The following DNAH6 variants were observed in gnomAD, a reference collection of about 807,000 sequenced individuals.
DNAH6 encodes the protein dynein axonemal heavy chain 6.
In DNAH6, 340 loss-of-function variants were observed where a neutral mutation model predicts 491.4. The observed-to-expected ratio is 0.69, with a 90% CI of 0.63 to 0.76. DNAH6 has a LOEUF of 0.76. Ranked by LOEUF, DNAH6 falls within the 30% of genes least tolerant of loss-of-function variation. DNAH6 has a pLI of 0.00. For synonymous variants in DNAH6, 1,603 were observed against 1,686.1 expected, an observed-to-expected ratio of 0.95 and a Z score of 1.21; for missense variants, 4,443 against 4,972.2, an observed-to-expected ratio of 0.89 and a Z score of 3.20.
At chr2:84,658,597 A>C (rs1691198885) in intron 36 of DNAH6, 123 bp downstream of exon 36, 1 of 653,364 alleles carries the variant, frequency 1.5e-6, no homozygotes, top group Non-Finnish European at 2.4e-6. Flanking sequence ...TTTTCAGGGG[A>C]CTAATAGCTA....
intron 14 of DNAH6, among the ~76,000 whole-genome samples, chr2:84,579,881 T>A (rs1682838658): frequency 6.6e-6 from 1 of 152,224 alleles, no homozygotes; most frequent in South Asian, 2.1e-4. Context: ...AGGCATCGTA[T>A]TACACTTTCT....
chr2:84,636,673 G>T (rs573957247), intron 30 of DNAH6, among the ~76,000 whole-genome samples: 1 of 152,252 alleles, frequency 6.6e-6, no homozygotes, highest in Middle Eastern at 3.4e-3. Context: ...GGAATTTCTT[G>T]GGGAATACCA....
At position 84,588,901 on chromosome 2, in the gene DNAH6, G is replaced by C. The variant is rs1206136987; in HGVS notation, c.2557G>C (p.Ala853Pro). The C allele has an allele frequency of 1.9e-6, 3 of 1,550,576 alleles. No individual in the cohort carries two copies. In the African/African-American group the frequency reaches 4.1e-5, roughly 21 times the overall value. ...ATTGAATAATCTGCAATCTGTTCTG[G>C]CTGATCTTCAGAAACGTGCATTTCA... ...LILNNLQSVL[A>P]DLQKRAFQYK... is the part of the protein sequence containing the mutation. Residue 853 changes from alanine to proline, a missense_variant, in exon 16 of 77, where the codon GCT (alanine) becomes CCT (proline). Coordinates refer to ENST00000389394, the MANE Select transcript of DNAH6 (RefSeq NM_001370.2).
In DNAH6 at chr2:84,703,521, C is replaced by T. The variant is rs1696130987; in HGVS notation, c.8188C>T (p.Leu2730=). ...LLAKSEDVEA[L]MEKLAVDQES... is the part of the protein sequence containing the mutation. The stretch of plus-strand genomic sequence containing the variant: ...AGCAAAATCAGAAGATGTTGAAGCC[C>T]TGATGGAAAAATTGGCAGTGGATCA... The change falls in exon 50 of 77, where the codon CTG becomes TTG. Residue 2730 remains leucine (L), a synonymous_variant. Transcript: ENST00000389394. The T allele has an allele frequency of 6.4e-7, 1 of 1,551,258 alleles. No individual in the cohort carries two copies. The highest frequency in any genetic ancestry group is 8.7e-7 in the Non-Finnish European group (1 of 1,146,756).
chr2:84,717,038 G>A (rs1206985276), intron 58 of DNAH6, among the ~76,000 whole-genome samples: 1 of 152,090 alleles, frequency 6.6e-6, no homozygotes, highest in South Asian at 2.1e-4. Context: ...CCTGCCTCCT[G>A]GAAAATGCCA....
chr2:84,703,063 G>T (rs1338554845), intron 49 of DNAH6, among the ~76,000 whole-genome samples: 1 of 152,164 alleles, frequency 6.6e-6, no homozygotes, highest in Non-Finnish European at 1.5e-5. Flanking sequence ...ATTCACATCT[G>T]GACCTGTTCC....
intron 64 of DNAH6, among the ~76,000 whole-genome samples, chr2:84,776,769 A>T (rs564344548): frequency 6.6e-6 from 1 of 152,264 alleles, no homozygotes; most frequent in South Asian, 2.1e-4. Flanking sequence ...ATTATAAATC[A>T]TGCTGCTATA....
the DNAH6 span, among the ~76,000 whole-genome samples, chr2:84,490,574 A>G: frequency 3.3e-5 from 5 of 152,034 alleles, no homozygotes; most frequent in African/African-American, 1.2e-4. Flanking sequence ...TATATTATTT[A>G]TTTTTAAGAT....
At chr2:84,508,210 G>A in the DNAH6 span, among the ~76,000 whole-genome samples, 1 of 152,112 alleles carries the variant, frequency 6.6e-6, no homozygotes, top group Non-Finnish European at 1.5e-5. Flanking sequence ...ACTTTTTTTG[G>A]TTGGTAAGCT....
chr2:84,528,751 T>C (rs1386664373), intron 3 of DNAH6, among the ~76,000 whole-genome samples, 153 bp from the exon 4 acceptor site: 6 of 152,100 alleles, frequency 3.9e-5, no homozygotes, highest in Non-Finnish European at 7.4e-5. Flanking sequence ...TGCCTAACAA[T>C]AGTTTGAAAA....
intron 29 of DNAH6, among the ~76,000 whole-genome samples, chr2:84,628,570 T>C (rs925012254): frequency 3.9e-5 from 6 of 152,164 alleles, no homozygotes; most frequent in Non-Finnish European, 7.3e-5. Context: ...AAAAAGCAAA[T>C]GAAATATTCA....
chr2:84,743,634 C>T (rs969131715), intron 62 of DNAH6, among the ~76,000 whole-genome samples: 11 of 152,150 alleles, frequency 7.2e-5, no homozygotes, highest in African/African-American at 2.7e-4. Context: ...CCAGCCTGGC[C>T]AACATGGTGA....
intron 18 of DNAH6, among the ~76,000 whole-genome samples, chr2:84,598,159 C>CT (rs370602062): frequency 0.014 from 1,027 of 71,200 alleles, 18 homozygotes; most frequent in African/African-American, 0.032. Context: ...TTCTTTCTTT[C>CT]TTTCTTTCTT....
chr2:84,513,627 T>C (rs73942700), upstream of DNAH6, among the ~76,000 whole-genome samples: 1,711 of 152,268 alleles, frequency 0.011, 31 homozygotes, highest in African/African-American at 0.039. Flanking sequence ...TTCTGCTAAC[T>C]CTTGTTTGGA....
intron 14 of DNAH6, 30 bp from the exon 15 acceptor site, chr2:84,583,969 A>C (rs1439705743): frequency 6.2e-7 from 1 of 1,608,570 alleles, no homozygotes; most frequent in African/African-American, 1.3e-5. Flanking sequence ...ATTCTGCTAC[A>C]TTTAATGAGC....
chr2:84,625,368 C>A (rs1041601666), intron 29 of DNAH6, among the ~76,000 whole-genome samples: 1 of 151,966 alleles, frequency 6.6e-6, no homozygotes, highest in African/African-American at 2.4e-5. Context: ...AGCAGGGAAA[C>A]CGAAGAACAA....
chr2:84,796,346 C>A lies in DNAH6; in HGVS notation c.11280C>A (p.Asp3760Glu). The A allele has an allele frequency of 6.5e-7, 1 of 1,527,820 alleles. No individual in the cohort carries two copies. The highest frequency in any genetic ancestry group is 2.0e-5 in the Admixed American group (1 of 49,184). 94.6% of individuals were successfully genotyped at this position (1,527,820 alleles called of 1,614,324 possible). The part of the protein sequence containing the change: ...TYGGRVTDSW[D>E]QRCLRTILKR... ...GTGGTAGAGTCACAGACAGCTGGGA[C>A]CAAAGATGCCTTCGTACTATCTTGA... Residue 3760 changes from aspartate to glutamate, a missense_variant, in exon 69 of 77, where the codon GAC (aspartate) becomes GAA (glutamate). Asp to Glu is a conservative substitution (Grantham distance 45). Coordinates refer to ENST00000389394, the MANE Select transcript of DNAH6 (RefSeq NM_001370.2).
At chr2:84,637,712 T>C (rs1321664478) in intron 31 of DNAH6, among the ~76,000 whole-genome samples, 1 of 152,224 alleles carries the variant, frequency 6.6e-6, no homozygotes, top group Non-Finnish European at 1.5e-5. Flanking sequence ...ATTATTTTTA[T>C]TTCTCTTTGC....
intron 11 of DNAH6, among the ~76,000 whole-genome samples, chr2:84,570,744 T>A (rs1011593948): frequency 2.0e-5 from 3 of 152,216 alleles, no homozygotes; most frequent in African/African-American, 7.2e-5. Context: ...GAATAAAAGC[T>A]GGCCACCCGA....
Sources: gnomAD v4.1 joint callset for allele counts (sites outside exome capture counted in the v4.1 genomes callset) on GRCh38, gnomAD v4.1.1 for gene constraint, MANE v1.5 for transcripts, NCBI Gene and HGNC (gene_info 2026-07-23, HGNC 2026-07-21) for gene names.